The following INSYN2B variants were observed in gnomAD, a reference collection of about 807,000 sequenced individuals.
INSYN2B encodes the protein protein INSYN2B.
Under a neutral mutation model 41.2 loss-of-function variants are expected in INSYN2B, and 16 were observed. The observed-to-expected ratio is 0.39, with a 90% CI of 0.26 to 0.59. The LOEUF (loss-of-function observed/expected upper bound fraction) is 0.59. Among genes scored for constraint, INSYN2B ranks in the 20% least tolerant of loss-of-function variants. INSYN2B has a pLI of 0.57. For synonymous variants in INSYN2B, 245 were observed against 244.4 expected, an observed-to-expected ratio of 1.00 and a Z score of -0.02; for missense variants, 608 against 646.4, an observed-to-expected ratio of 0.94 and a Z score of 0.64.
intron 1 of INSYN2B, among the ~76,000 whole-genome samples, chr5:169,896,191 G>A (rs1773596127): frequency 6.6e-6 from 1 of 152,104 alleles, no homozygotes; most frequent in African/African-American, 2.4e-5. Flanking sequence ...GGGGCGGGGA[G>A]GCAGTCAGCA....
At chr5:169,895,472 C>CA (rs1773540548) in intron 1 of INSYN2B, among the ~76,000 whole-genome samples, 1 of 152,074 alleles carries the variant, frequency 6.6e-6, no homozygotes, top group African/African-American at 2.4e-5. Context: ...CACCTATACT[C>CA]ACCTGAGTCT....
chr5:169,865,224 T>C (rs1319142493), intron 3 of INSYN2B, among the ~76,000 whole-genome samples: 1 of 152,252 alleles, frequency 6.6e-6, no homozygotes, highest in African/African-American at 2.4e-5. Flanking sequence ...TGTTTTGGTG[T>C]CATTAACATA....
chr5:169,939,528 T>C lies in INSYN2B; in HGVS notation c.-919+40749A>G, dbSNP rs1014087279. 3.9e-5 allele frequency among the ~76,000 whole-genome samples: 6 copies of C among 152,202 alleles called. No individual in the cohort carries two copies. In the East Asian group the frequency reaches 7.7e-4, roughly 20 times the overall value. Reference sequence around the variant, plus strand: ...AACCAGTAACAGTCGTTTATTATTATTGTCAATTATGTGCTGTATGTAATT... The same window carrying C: ...AACCAGTAACAGTCGTTTATTATTACTGTCAATTATGTGCTGTATGTAATT... On this transcript the variant is annotated intron_variant, in intron 1 of 3. Transcript: ENST00000377365.
intron 1 of INSYN2B, among the ~76,000 whole-genome samples, chr5:169,941,548 C>CAAGA (rs1776247713): frequency 1.3e-5 from 2 of 152,146 alleles, no homozygotes; most frequent in Admixed American, 1.3e-4. Context: ...AAGGAGAGTG[C>CAAGA]AAGAGGTGGG....
Position 169,907,884 on chromosome 5 carries a change from C to T in INSYN2B, c.-918-23068G>A, listed in dbSNP as rs535073097. ...GGGCAGGGATGCTCTAAACATCCTA[C>T]AACACACAGGAACCGTTGGCCAGTC... On this transcript the variant is annotated intron_variant, in intron 1 of 3. Transcript: ENST00000377365. Among the ~76,000 whole-genome samples, 24 of 152,286 alleles carry T rather than the reference C, an allele frequency of 1.6e-4. No homozygotes were observed. In the South Asian group the frequency reaches 4.8e-3, roughly 30 times the overall value.
At position 169,863,459 on chromosome 5, in the gene INSYN2B, C is replaced by G. The variant is rs138546467; in HGVS notation, c.*814G>C. Among the ~76,000 whole-genome samples, 47 of 152,312 alleles carry G rather than the reference C, an allele frequency of 3.1e-4. No homozygotes were observed. The East Asian group carries it at 7.1e-3, about 23-fold the overall frequency. ...AAGTTAACTATGGAGTCTTAAAGTT[C>G]ACACCAAAAACAGATTCCACCCATT... On this transcript the variant is annotated 3_prime_UTR_variant, in exon 4 of 4. Transcript: ENST00000377365.
chr5:169,876,340 G>T (rs1490238173), intron 3 of INSYN2B, among the ~76,000 whole-genome samples: 1 of 152,234 alleles, frequency 6.6e-6, no homozygotes, highest in Non-Finnish European at 1.5e-5. Flanking sequence ...ACAAGCCTGG[G>T]TTTTGATATT....
chr5:169,891,613 C>T (rs1448625932), intron 1 of INSYN2B, among the ~76,000 whole-genome samples: 11 of 151,634 alleles, frequency 7.3e-5, no homozygotes, highest in Non-Finnish European at 1.5e-4. Context: ...CTAAAAACCA[C>T]GAAGACAACC....
At chr5:169,901,550 G>A (rs1773927292) in intron 1 of INSYN2B, among the ~76,000 whole-genome samples, 1 of 152,160 alleles carries the variant, frequency 6.6e-6, no homozygotes, top group Non-Finnish European at 1.5e-5. Context: ...GTGGAAGCAG[G>A]ATGAACCAGT....
chr5:169,974,135 G>A lies in INSYN2B; in HGVS notation c.-919+6142C>T, dbSNP rs113997232. Among the ~76,000 whole-genome samples the A allele has an allele frequency of 8.2e-3, 1,243 of 152,250 alleles. 15 individuals are homozygous for A. The highest frequency in any genetic ancestry group is 0.028 in the African/African-American group (1,151 of 41,544). ...TTTCTAAATTAAATGAAAGCATTCT[G>A]AAGTCAAGCTGATCTAGGCAACCTA... On this transcript the variant is annotated intron_variant, in intron 1 of 3. Coordinates refer to ENST00000377365, the MANE Select transcript of INSYN2B (RefSeq NM_001129891.3).
rs116433642 is a variant in INSYN2B at position 169,866,435 on chromosome 5, C to T, written c.1422-1976G>A. Among the ~76,000 whole-genome samples, 511 of 152,328 alleles carry T rather than the reference C, an allele frequency of 3.4e-3. 2 individuals are homozygous for T. Among genetic ancestry groups the T allele is most frequent in the Middle Eastern group, 6.8e-3 (2 of 294 alleles). On this transcript the variant is annotated intron_variant, in intron 3 of 3. Transcript: ENST00000377365. ...TCATCTGCAAAATGAGTAGTGCCTA[C>T]GCAAAGGACCTCAGTGAAGCTTAAA...
chr5:169,875,259 A>G lies in INSYN2B; in HGVS notation c.1421+6109T>C, dbSNP rs1311985213. ...CTGCAACTGCGGATTCCCATCCTCC[A>G]CCCCACACTCTCTGATTCAGTGGCT... is the stretch of plus-strand genomic sequence containing the variant. On this transcript the variant is annotated intron_variant, in intron 3 of 3. Transcript: ENST00000377365. 6.6e-6 allele frequency: 3 copies of G among 456,494 alleles called. No homozygotes were observed. In the Admixed American group the frequency reaches 7.1e-5, roughly 11 times the overall value. The allele number at this position is 456,494 out of a possible 1,614,324, so 28.3% of individuals were successfully genotyped here.
intron 3 of INSYN2B, among the ~76,000 whole-genome samples, chr5:169,867,419 GTCTGT>G (rs1771640126): frequency 6.8e-6 from 1 of 146,732 alleles, no homozygotes; most frequent in Non-Finnish European, 1.5e-5. Flanking sequence ...CTGTCTGTCT[GTCTGT>G]CTGTCTGTCT....
chr5:169,953,330 C>A (rs1350013134), intron 1 of INSYN2B, among the ~76,000 whole-genome samples: 1 of 116,184 alleles, frequency 8.6e-6, no homozygotes, highest in Non-Finnish European at 1.8e-5. Flanking sequence ...AAGACTCTAT[C>A]TCAAAAAAAA....
intron 1 of INSYN2B, among the ~76,000 whole-genome samples, chr5:169,943,039 T>C (rs2113709063): frequency 6.6e-6 from 1 of 152,280 alleles, no homozygotes; most frequent in South Asian, 2.1e-4. Context: ...AGTATAGGAA[T>C]GTGTTGGGCT....
chr5:169,900,617 C>A (rs1413133689), intron 1 of INSYN2B, among the ~76,000 whole-genome samples: 3 of 152,174 alleles, frequency 2.0e-5, no homozygotes, highest in African/African-American at 7.2e-5. Context: ...AGAGTATTGA[C>A]TCCTTCATGC....
intron 1 of INSYN2B, among the ~76,000 whole-genome samples, chr5:169,968,480 A>T (rs17561105): frequency 0.31 from 46,556 of 151,990 alleles, 7,362 homozygotes; most frequent in Admixed American, 0.36. Flanking sequence ...TATGATTAAG[A>T]TACCACATTA....
chr5:169,926,894 A>T (rs1297199020), intron 1 of INSYN2B, among the ~76,000 whole-genome samples: 1 of 152,246 alleles, frequency 6.6e-6, no homozygotes, highest in Non-Finnish European at 1.5e-5. Flanking sequence ...ATGAAAAATA[A>T]TTGTAAATTA....
chr5:169,939,058 C>A (rs1332201411), intron 1 of INSYN2B, among the ~76,000 whole-genome samples: 1 of 151,882 alleles, frequency 6.6e-6, no homozygotes, highest in African/African-American at 2.4e-5. Flanking sequence ...CATGCACCAC[C>A]ACGCCCTGCT....
Sources: gnomAD v4.1 joint callset for allele counts (sites outside exome capture counted in the v4.1 genomes callset) on GRCh38, gnomAD v4.1.1 for gene constraint, MANE v1.5 for transcripts, NCBI Gene and HGNC (gene_info 2026-07-23, HGNC 2026-07-21) for gene names.